THNSL1: variants seen among roughly 807,000 people sequenced by gnomAD.
THNSL1 encodes threonine synthase like 1.
Under a neutral mutation model 50.4 loss-of-function variants are expected in THNSL1, and 48 were observed. The observed-to-expected ratio is 0.95, with a 90% CI of 0.76 to 1.21. THNSL1 has a LOEUF of 1.21. THNSL1 is among the 50% of genes most tolerant of loss of function. The probability of loss-of-function intolerance (pLI) is 0.00; values close to 1 mark genes in which losing one functional copy is unlikely to be tolerated. For synonymous variants in THNSL1, 309 were observed against 306.1 expected (o/e 1.01, Z -0.10); for missense variants, 896 against 871.7 (o/e 1.03, Z -0.35).
chr10:24,995,772 A>G, the THNSL1 span: 1 of 1,614,032 alleles, frequency 6.2e-7, no homozygotes, highest in Non-Finnish European at 8.5e-7. Context: ...CTGCATTTGT[A>G]TTTATAAAAT....
the THNSL1 span, chr10:24,952,745 C>T: frequency 3.1e-6 from 2 of 641,588 alleles, no homozygotes; most frequent in East Asian, 6.5e-5. The surrounding 1 kb of genome is among the most constrained non-coding windows in gnomAD (Gnocchi z 5.1). Flanking sequence ...CGGCCTGACG[C>T]GGATCCATGG....
the THNSL1 span, among the ~76,000 whole-genome samples, chr10:24,957,810 G>T: frequency 2.0e-5 from 3 of 152,270 alleles, no homozygotes; most frequent in Admixed American, 1.3e-4. Flanking sequence ...TGGTGAGAAA[G>T]AGGGGTCTAG....
rs1475573179 is a variant in THNSL1 at position 25,025,481 on chromosome 10, C to T, written c.*26C>T. On this transcript the variant is annotated 3_prime_UTR_variant, in exon 3 of 3. Transcript: ENST00000376356. ...AAGCTTTCAGAGTAAATTTTTTTTT[C>T]TAGCTATAAGCATGCAATAATAAAT... The T allele has an allele frequency of 6.3e-7, 1 of 1,575,030 alleles. No individual in the cohort carries two copies. The highest frequency in any genetic ancestry group is 1.4e-5 in the African/African-American group (1 of 73,172).
the THNSL1 span, among the ~76,000 whole-genome samples, chr10:24,957,607 A>G: frequency 6.6e-6 from 1 of 152,026 alleles, no homozygotes; most frequent in Non-Finnish European, 1.5e-5. Context: ...CAGCCTCCCA[A>G]GTAGCTGGGA....
the THNSL1 span, among the ~76,000 whole-genome samples, chr10:24,969,735 C>T: frequency 2.8e-4 from 43 of 152,300 alleles, no homozygotes; most frequent in Middle Eastern, 3.4e-3. Context: ...AATATTTATC[C>T]TCTCTTATCA....
the THNSL1 span, chr10:24,952,545 A>T: frequency 3.1e-6 from 5 of 1,591,108 alleles, no homozygotes; most frequent in African/African-American, 4.0e-5. This position sits in a 1 kb window ranked among gnomAD's most constrained non-coding sequence, Gnocchi z 5.1. Context: ...CCTCGCCCGT[A>T]GTCTGGCGCC....
chr10:24,954,519 G>A, the THNSL1 span, among the ~76,000 whole-genome samples: 2 of 152,132 alleles, frequency 1.3e-5, no homozygotes, highest in East Asian at 3.9e-4. Flanking sequence ...CACTGCGGAA[G>A]ATGTAAGGGA....
the THNSL1 span, among the ~76,000 whole-genome samples, chr10:24,973,050 T>C: frequency 6.6e-6 from 1 of 152,170 alleles, no homozygotes; most frequent in Non-Finnish European, 1.5e-5. Context: ...AACAAGGTGT[T>C]CACAATTTCA....
Position 25,024,231 on chromosome 10 carries a change from C to G in THNSL1, c.1008C>G (p.Asn336Lys). 1 of 1,614,180 alleles carries G rather than the reference C, an allele frequency of 6.2e-7. No individual in the cohort carries two copies. Among genetic ancestry groups the G allele is most frequent in the Non-Finnish European group, 8.5e-7 (1 of 1,180,030 alleles). ...CTCCTGTCAGGCACCTTTCAGGCAA[C>G]CAGTTCATCCTGGAGTTGTTTCATG... Reference protein sequence around the residue: ...KIAPVRHLSGNQFILELFHGP... With the variant: ...KIAPVRHLSGKQFILELFHGP... Residue 336 changes from asparagine (N) to lysine (K), a missense_variant, in exon 3 of 3, where the codon AAC becomes AAG. By Grantham distance (94) the Asn-to-Lys change is moderately conservative (BLOSUM62 0). Coordinates refer to ENST00000376356, the MANE Select transcript of THNSL1 (RefSeq NM_024838.5).
At chr10:24,968,240 G>A in the THNSL1 span, among the ~76,000 whole-genome samples, 1 of 152,126 alleles carries the variant, frequency 6.6e-6, no homozygotes, top group South Asian at 2.1e-4. Context: ...CTCTCTCTCT[G>A]TTGCCTTTTT....
At chr10:25,017,933 C>G (rs766955130) in intron 1 of THNSL1, among the ~76,000 whole-genome samples, 1 of 152,148 alleles carries the variant, frequency 6.6e-6, no homozygotes, top group Non-Finnish European at 1.5e-5. Flanking sequence ...TAGTCACTGG[C>G]TAAAGCTTAT....
At chr10:24,976,841 G>A in the THNSL1 span, among the ~76,000 whole-genome samples, 1 of 152,254 alleles carries the variant, frequency 6.6e-6, no homozygotes, top group African/African-American at 2.4e-5. Context: ...TACTAAGTGG[G>A]TGCCAGCTGC....
the THNSL1 span, among the ~76,000 whole-genome samples, chr10:24,960,326 C>A: frequency 1.3e-5 from 2 of 152,122 alleles, no homozygotes; most frequent in African/African-American, 4.8e-5. Context: ...AGGAACTCTC[C>A]CAGTGGGAAT....
In THNSL1 at chr10:25,024,577, G is replaced by GGCTTTTTAATGA; in HGVS notation, c.1354_1355insGCTTTTTAATGA (p.Asp452delinsGlyPheLeuMetAsn). On this transcript the variant is annotated protein_altering_variant, in exon 3 of 3. Transcript: ENST00000376356. ...TATAAAAAGAATTTTTAATGATTCTGATTTTACTGGCTTTCTTACTGTGGA... is the reference window on the plus strand; with the variant it reads ...TATAAAAAGAATTTTTAATGATTCTGGCTTTTTAATGAATTTTACTGGCTTTCTTACTGTGGA... 6.2e-7 allele frequency: 1 copy of GGCTTTTTAATGA among 1,614,088 alleles called. No homozygotes were observed. The highest frequency in any genetic ancestry group is 8.5e-7 in the Non-Finnish European group (1 of 1,180,004).
At position 25,023,765 on chromosome 10, in the gene THNSL1, C is replaced by A; in HGVS notation, c.542C>A (p.Ser181Tyr). 1 of 1,613,770 alleles carries A rather than the reference C, an allele frequency of 6.2e-7. No homozygotes were observed. Among genetic ancestry groups the A allele is most frequent in the Non-Finnish European group, 8.5e-7 (1 of 1,179,954 alleles). Residue 181 changes from serine to tyrosine, a missense_variant, in exon 3 of 3, where the codon TCT becomes TAT. Coordinates refer to ENST00000376356, the MANE Select transcript of THNSL1 (RefSeq NM_024838.5). ...ATTGTAGGTCAGAATTCTGGAACAT[C>A]TATGAAAGACTTACTTAAATTTAGA... ...DRIVGQNSGTSMKDLLKFRRQ... is the reference protein window; with the variant it reads ...DRIVGQNSGTYMKDLLKFRRQ...
At chr10:24,971,180 G>A in the THNSL1 span, among the ~76,000 whole-genome samples, 1 of 152,056 alleles carries the variant, frequency 6.6e-6, no homozygotes, top group East Asian at 1.9e-4. Flanking sequence ...GCTCACTGCA[G>A]CCTCAAACCC....
chr10:24,952,836 C>G, the THNSL1 span, among the ~76,000 whole-genome samples: 1 of 151,680 alleles, frequency 6.6e-6, no homozygotes, highest in African/African-American at 2.4e-5. This position sits in a 1 kb window ranked among gnomAD's most constrained non-coding sequence, Gnocchi z 5.1. Flanking sequence ...TCCCCCTGAG[C>G]GCGGGCCCCG....
the THNSL1 span, among the ~76,000 whole-genome samples, chr10:24,995,290 A>C: frequency 6.6e-6 from 1 of 152,236 alleles, no homozygotes; most frequent in Non-Finnish European, 1.5e-5. Context: ...TCTTAAGACC[A>C]TCTGACAGCT....
At chr10:24,987,537 C>T in the THNSL1 span, among the ~76,000 whole-genome samples, 3 of 152,060 alleles carry the variant, frequency 2.0e-5, no homozygotes, top group African/African-American at 7.2e-5. Context: ...AGCAGTGAGC[C>T]GTGATTGTGC....
Sources: allele counts gnomAD v4.1 joint callset (sites outside exome capture counted in the v4.1 genomes callset), GRCh38; gene constraint gnomAD v4.1.1; non-coding constraint Gnocchi (gnomAD v3.1); transcripts MANE v1.5; gene names NCBI Gene and HGNC (gene_info 2026-07-23, HGNC 2026-07-21).